SATL1: variants seen among roughly 807,000 people sequenced by gnomAD.
SATL1 encodes the protein spermidine/spermine N1-acetyl transferase like 1.
SATL1 carries 47 observed loss-of-function variants against 51.8 expected under a neutral mutation model. That is an observed-to-expected ratio of 0.91 (90% CI 0.72 to 1.16). The LOEUF (loss-of-function observed/expected upper bound fraction) is 1.16. Ranked by LOEUF, SATL1 falls within the 50% of genes most tolerant of loss-of-function variation. The probability of loss-of-function intolerance (pLI) is 0.00; values close to 1 mark genes in which losing one functional copy is unlikely to be tolerated. For synonymous variants in SATL1, 176 were observed against 182.4 expected, an observed-to-expected ratio of 0.97 and a Z score of 0.28; for missense variants, 520 against 526.4, an observed-to-expected ratio of 0.99 and a Z score of 0.12.
intron 1 of SATL1, among the ~76,000 whole-genome samples, chrX:85,226,517 G>A (rs1046461937): frequency 3.6e-5 from 4 of 111,278 alleles, no homozygotes; most frequent in African/African-American, 6.5e-5. Context: ...ATTATTCTAA[G>A]GGTTAGGGAT....
chrX:85,110,173 G>GTAAAA (rs1489023488), intron 2 of SATL1, among the ~76,000 whole-genome samples: 8 of 111,502 alleles, frequency 7.2e-5, no homozygotes, highest in Non-Finnish European at 1.5e-4. Context: ...CCTCCCCAAG[G>GTAAAA]CTTCGTAAAA....
chrX:85,182,126 G>C (rs1190894820), intron 2 of SATL1, among the ~76,000 whole-genome samples: 9 of 110,584 alleles, frequency 8.1e-5, no homozygotes, highest in Admixed American at 7.7e-4. Flanking sequence ...TTATCTATTT[G>C]AAACTATATA....
chrX:85,141,283 C>T (rs1926102779), intron 2 of SATL1, among the ~76,000 whole-genome samples: 1 of 111,917 alleles, frequency 8.9e-6, no homozygotes, highest in Non-Finnish European at 1.9e-5. Context: ...CACTCCCAGC[C>T]TCTGTTGGGA....
At chrX:85,190,955 C>T (rs1368630076) in intron 2 of SATL1, among the ~76,000 whole-genome samples, 2 of 79,800 alleles carry the variant, frequency 2.5e-5, no homozygotes, top group Non-Finnish European at 4.6e-5. Context: ...CATCAGACAC[C>T]GTGGGGCCTG....
chrX:85,171,518 T>C lies in SATL1; in HGVS notation c.-313+52687A>G, dbSNP rs190161786. ...AAATTATGATAAGAAAATCTAGCTT[T>C]CTTTTCCTATTCACATAAGTGTAAA... On this transcript the variant is annotated intron_variant, in intron 2 of 7. Transcript: ENST00000644105. Among the ~76,000 whole-genome samples the C allele has an allele frequency of 7.7e-4, 86 of 111,733 alleles. 1 individual carries two copies. The highest frequency in any genetic ancestry group is 1.5e-3 in the Non-Finnish European group (79 of 52,844).
chrX:85,105,284 G>A (rs1188918442), intron 3 of SATL1, among the ~76,000 whole-genome samples: 2 of 110,984 alleles, frequency 1.8e-5, no homozygotes, highest in African/African-American at 6.5e-5. Flanking sequence ...GTAGAGAATG[G>A]ATTGGTCAGG....
chrX:85,150,548 T>A (rs1926398696), intron 2 of SATL1, among the ~76,000 whole-genome samples: 1 of 110,622 alleles, frequency 9.0e-6, no homozygotes, highest in Non-Finnish European at 1.9e-5. Context: ...TTGATGAACA[T>A]TGATGCAAAA....
chrX:85,220,673 A>C (rs1363756336), intron 2 of SATL1, among the ~76,000 whole-genome samples: 6 of 84,081 alleles, frequency 7.1e-5, no homozygotes, highest in African/African-American at 2.8e-4. Context: ...AAAAAAAAAA[A>C]AAAAAAAAAA....
intron 3 of SATL1, among the ~76,000 whole-genome samples, chrX:85,104,577 A>G (rs1294116208): frequency 9.0e-6 from 1 of 110,778 alleles, no homozygotes; most frequent in Admixed American, 9.7e-5. Context: ...CTGACTTGAC[A>G]TGTCCCTTTT....
intron 2 of SATL1, among the ~76,000 whole-genome samples, chrX:85,123,733 G>T (rs754819874): frequency 6.3e-4 from 70 of 111,650 alleles, no homozygotes; most frequent in Non-Finnish European, 1.0e-3. Context: ...GAATATCAAT[G>T]ATTACAAAGA....
intron 6 of SATL1, 103 bp from the exon 7 acceptor site, chrX:85,093,328 G>A (rs1372439114): frequency 5.4e-5 from 43 of 801,263 alleles, no homozygotes; most frequent in Non-Finnish European, 6.7e-5. Context: ...TCTGTTTTTT[G>A]TATATTATTA....
intron 2 of SATL1, among the ~76,000 whole-genome samples, chrX:85,164,100 T>C (rs1455298658): frequency 8.9e-6 from 1 of 112,151 alleles, no homozygotes; most frequent in East Asian, 2.8e-4. Flanking sequence ...TACATGTGCA[T>C]GGAATATTTT....
intron 4 of SATL1, among the ~76,000 whole-genome samples, chrX:85,100,282 T>A (rs186141237): frequency 8.9e-6 from 1 of 112,305 alleles, no homozygotes; most frequent in Admixed American, 9.4e-5. Context: ...CACACAATTC[T>A]ATATAGAGAA....
At chrX:85,220,865 C>T (rs189465844) in intron 2 of SATL1, among the ~76,000 whole-genome samples, 58 of 109,190 alleles carry the variant, frequency 5.3e-4, no homozygotes, top group Middle Eastern at 4.6e-3. Context: ...CAGTCACTGT[C>T]CCTTCTACTT....
chrX:85,104,674 C>T (rs1165700934), intron 3 of SATL1, among the ~76,000 whole-genome samples: 2 of 110,701 alleles, frequency 1.8e-5, no homozygotes, highest in Non-Finnish European at 3.8e-5. Context: ...CCCAGGATAC[C>T]AAAATCTGAG....
intron 2 of SATL1, among the ~76,000 whole-genome samples, chrX:85,178,611 C>CAAAA (rs60561678): frequency 2.0e-5 from 1 of 50,243 alleles, no homozygotes; most frequent in Non-Finnish European, 5.0e-5. Flanking sequence ...ACAAAATGCT[C>CAAAA]AAAAAAAAAA....
chrX:85,168,721 C>T (rs762558298), intron 2 of SATL1, among the ~76,000 whole-genome samples: 2 of 111,720 alleles, frequency 1.8e-5, no homozygotes, highest in Non-Finnish European at 3.8e-5. Context: ...AGGTTCAATG[C>T]TATTTCTATC....
chrX:85,214,507 C>T (rs1432284656), intron 2 of SATL1, among the ~76,000 whole-genome samples: 2 of 110,933 alleles, frequency 1.8e-5, no homozygotes, highest in African/African-American at 3.3e-5. Flanking sequence ...AGCATTCTAC[C>T]CCTGAACGCC....
rs187777609 is a variant in SATL1 at position 85,229,835 on chromosome X, C to T, written c.-434-5509G>A. ...AAGGAAATAATTCCAATTACAATAG[C>T]GTCTAAAAGAATAAAATACTTGAAT... On this transcript the variant is annotated intron_variant, in intron 1 of 7. Coordinates refer to ENST00000644105, the MANE Select transcript of SATL1 (RefSeq NM_001367857.2). Among the ~76,000 whole-genome samples, 519 of 111,415 alleles carry T rather than the reference C, an allele frequency of 4.7e-3. 2 individuals carry two copies. The highest frequency in any genetic ancestry group is 0.016 in the African/African-American group (495 of 30,764).
Sources: gnomAD v4.1 joint callset for allele counts (sites outside exome capture counted in the v4.1 genomes callset) on GRCh38, gnomAD v4.1.1 for gene constraint, MANE v1.5 for transcripts, NCBI Gene and HGNC (gene_info 2026-07-23, HGNC 2026-07-21) for gene names.